Variants in SAMMSON observed in about 807,000 individuals in gnomAD.
The protein encoded by SAMMSON is long intergenic non-protein coding RNA 1212.
chr3:70,263,685 C>G (rs1047854413), intron 6 of SAMMSON, among the ~76,000 whole-genome samples: 2 of 152,142 alleles, frequency 1.3e-5, no homozygotes, highest in East Asian at 3.8e-4. Flanking sequence ...ATTTATCTAC[C>G]GAGCTCCCTT....
intron 4 of SAMMSON, among the ~76,000 whole-genome samples, chr3:70,223,290 C>G (rs968775951): frequency 2.0e-5 from 3 of 152,134 alleles, no homozygotes; most frequent in Admixed American, 1.3e-4. Context: ...GTCACACAGT[C>G]AAGACTCAAC....
Position 70,058,120 on chromosome 3 carries a change from C to A in SAMMSON, n.418-13356C>A, listed in dbSNP as rs571841894. 7.2e-5 allele frequency among the ~76,000 whole-genome samples: 11 copies of A among 152,060 alleles called. No homozygotes were observed. In the East Asian group the frequency reaches 2.1e-3, roughly 29 times the overall value. The stretch of plus-strand genomic sequence containing the variant: ...TGAATTTAACTGAACTTCATTCAGC[C>A]TCAAGAAAGTTGATGAGGAAGAACC... On this transcript the variant is annotated intron_variant and non_coding_transcript_variant, in intron 3 of 9. Coordinates refer to ENST00000642114, the Ensembl canonical transcript of SAMMSON.
At chr3:70,002,049 G>A (rs1048573934) in intron 1 of SAMMSON, among the ~76,000 whole-genome samples, 9 of 152,006 alleles carry the variant, frequency 5.9e-5, no homozygotes, top group East Asian at 1.9e-4. Flanking sequence ...CTTTACTCTC[G>A]GTCATTGCCT....
intron 3 of SAMMSON, among the ~76,000 whole-genome samples, chr3:70,032,791 C>T (rs1406296354): frequency 1.3e-5 from 2 of 152,148 alleles, no homozygotes; most frequent in Non-Finnish European, 2.9e-5. Flanking sequence ...GAGCACTAAG[C>T]CAACAACTAC....
intron 2 of SAMMSON, among the ~76,000 whole-genome samples, chr3:70,431,840 G>A (rs758881467): frequency 6.6e-6 from 1 of 151,950 alleles, no homozygotes; most frequent in African/African-American, 2.4e-5. Context: ...CACACAGCAT[G>A]TATTTTTCAG....
intron 4 of SAMMSON, chr3:70,126,542 G>A (rs1036268828): frequency 2.8e-5 from 16 of 563,072 alleles, no homozygotes; most frequent in Non-Finnish European, 4.2e-5. Context: ...TCGGTCGGCC[G>A]AGGCAGGGAA....
At position 70,351,894 on chromosome 3, in the gene SAMMSON, G is replaced by A. The variant is rs550518814; in HGVS notation, n.740-2281G>A. On this transcript the variant is annotated intron_variant and non_coding_transcript_variant, in intron 7 of 9. Coordinates refer to ENST00000642114, the Ensembl canonical transcript of SAMMSON. ...CTAGACCTCCTCACTGATTAGGTTC[G>A]TATTTAGTCACCCCAACTGAATTGT... 7.9e-5 allele frequency among the ~76,000 whole-genome samples: 12 copies of A among 152,032 alleles called. No homozygotes were observed. In the South Asian group the frequency reaches 1.0e-3, roughly 13 times the overall value.
At chr3:70,150,468 T>G (rs369640777) in intron 4 of SAMMSON, among the ~76,000 whole-genome samples, 1 of 152,168 alleles carries the variant, frequency 6.6e-6, no homozygotes, top group South Asian at 2.1e-4. Flanking sequence ...CCCCTTGAAA[T>G]CTTTAGAGAT....
At position 70,343,160 on chromosome 3, in the gene SAMMSON, G is replaced by A. The variant is rs115305156; in HGVS notation, n.740-11015G>A. Among the ~76,000 whole-genome samples, 469 of 152,032 alleles carry A rather than the reference G, an allele frequency of 3.1e-3. 1 individual carries two copies. Among genetic ancestry groups the A allele is most frequent in the African/African-American group, 0.011 (445 of 41,458 alleles). On this transcript the variant is annotated intron_variant and non_coding_transcript_variant, in intron 7 of 9. Transcript: ENST00000642114. Reference sequence around the variant, plus strand: ...CAGAGTTCCCAAATATCTCACACTCGATTTTCCCTACTATTAAAATCTTAC... The same window carrying A: ...CAGAGTTCCCAAATATCTCACACTCAATTTTCCCTACTATTAAAATCTTAC...
At chr3:70,039,158 C>T (rs2067096998) in intron 3 of SAMMSON, among the ~76,000 whole-genome samples, 1 of 152,136 alleles carries the variant, frequency 6.6e-6, no homozygotes, top group Non-Finnish European at 1.5e-5. Context: ...AACTGCACCA[C>T]TGAGTACTTG....
At chr3:70,072,983 A>C (rs1474732543) in intron 4 of SAMMSON, among the ~76,000 whole-genome samples, 2 of 152,068 alleles carry the variant, frequency 1.3e-5, no homozygotes, top group Non-Finnish European at 2.9e-5. Flanking sequence ...CCTCTGTGGA[A>C]TGCTGAGGCT....
chr3:70,306,333 A>G (rs373665137), intron 7 of SAMMSON, among the ~76,000 whole-genome samples: 102 of 152,204 alleles, frequency 6.7e-4, no homozygotes, highest in African/African-American at 2.4e-3. Flanking sequence ...GGCTGGTCTC[A>G]AACTCCTGAC....
chr3:70,315,154 T>C (rs1320988996), intron 7 of SAMMSON, among the ~76,000 whole-genome samples: 1 of 152,198 alleles, frequency 6.6e-6, no homozygotes, highest in Admixed American at 6.6e-5. Context: ...TTTATGAAGA[T>C]AGTGTGGTGA....
At chr3:70,378,795 C>T (rs899984993) in intron 9 of SAMMSON, among the ~76,000 whole-genome samples, 1 of 151,898 alleles carries the variant, frequency 6.6e-6, no homozygotes, top group African/African-American at 2.4e-5. Flanking sequence ...ATTGTGACAT[C>T]ATATGCAATG....
chr3:70,392,039 C>G (rs9881623), downstream of SAMMSON, among the ~76,000 whole-genome samples: 3,036 of 152,160 alleles, frequency 0.02, 91 homozygotes, highest in East Asian at 0.11. Flanking sequence ...CTTCCTGTGT[C>G]CAACAATAGA....
At chr3:70,285,864 A>G (rs1303334953) in intron 6 of SAMMSON, among the ~76,000 whole-genome samples, 1 of 151,814 alleles carries the variant, frequency 6.6e-6, no homozygotes, top group South Asian at 2.1e-4. Context: ...TTCTTTTGAG[A>G]AGTGTCTGTT....
chr3:70,175,903 A>G (rs1701005545), intron 4 of SAMMSON, among the ~76,000 whole-genome samples: 1 of 152,086 alleles, frequency 6.6e-6, no homozygotes, highest in Non-Finnish European at 1.5e-5. Context: ...TTGGCTTTAC[A>G]TGGGGCCACC....
intron 4 of SAMMSON, chr3:70,126,705 T>C (rs753502865): frequency 3.2e-5 from 8 of 253,010 alleles, no homozygotes; most frequent in Admixed American, 5.1e-5. Flanking sequence ...GTTTTGTTTT[T>C]GTTTTTGTTT....
intron 9 of SAMMSON, among the ~76,000 whole-genome samples, chr3:70,366,973 T>C (rs971931061): frequency 6.6e-6 from 1 of 151,760 alleles, no homozygotes; most frequent in Non-Finnish European, 1.5e-5. Context: ...CCGTATATTT[T>C]CTTTACTGAG....
Sources: allele counts gnomAD v4.1 joint callset (sites outside exome capture counted in the v4.1 genomes callset), GRCh38; gene constraint gnomAD v4.1.1; transcripts MANE v1.5; gene names NCBI Gene and HGNC (gene_info 2026-07-23, HGNC 2026-07-21).